The following ZNF512B variants were observed in gnomAD, a reference collection of about 807,000 sequenced individuals.
ZNF512B encodes zinc finger protein 512B.
ZNF512B carries 22 observed loss-of-function variants against 87.8 expected under a neutral mutation model. The ratio of observed to expected loss-of-function variants is 0.25; its 90% CI spans 0.18 to 0.36. The LOEUF is 0.36. ZNF512B is among the 10% of genes least tolerant of loss of function. The probability of loss-of-function intolerance (pLI) is 1.00; values close to 1 mark genes in which losing one functional copy is unlikely to be tolerated. For synonymous variants in ZNF512B, 524 were observed against 490.9 expected (o/e 1.07, Z -0.89); for missense variants, 1,060 against 1,231.6 (o/e 0.86, Z 2.09).
Position 63,962,487 on chromosome 20 carries a change from G to A in ZNF512B, c.2163+100C>T. On this transcript the variant is annotated intron_variant, in intron 13 of 16. Transcript: ENST00000369888. ...TCGCCGCAGATGGCGGGGGCAGCGG[G>A]TGGCCCAGGTCACAGCAGTGGCTGT... 3.9e-6 allele frequency: 6 copies of A among 1,550,662 alleles called. No individual in the cohort carries two copies. In the South Asian group the frequency reaches 5.7e-5, roughly 15 times the overall value.
intron 6 of ZNF512B, 34 bp downstream of exon 6, chr20:63,964,456 G>T: frequency 6.2e-7 from 1 of 1,613,370 alleles, no homozygotes; most frequent in Non-Finnish European, 8.5e-7. Flanking sequence ...GGCCGAGCCT[G>T]CCCCGGCCGC....
At position 63,962,170 on chromosome 20, in the gene ZNF512B, C is replaced by T. The variant is rs1452484923; in HGVS notation, c.2265+103G>A. ...ATGTGAGGCCTGGGGTGGGCTTGGG[C>T]ACCTCCTGAAAGCTCTCAGCCTCTG... On this transcript the variant is annotated intron_variant, in intron 14 of 16. Transcript: ENST00000369888. 5.1e-6 allele frequency: 7 copies of T among 1,363,956 alleles called. No individual in the cohort carries two copies. In the Admixed American group the frequency reaches 1.2e-4, roughly 24 times the overall value. The allele number at this position is 1,363,956 out of a possible 1,614,324, so 84.5% of individuals were successfully genotyped here.
In ZNF512B at chr20:63,961,896, C is replaced by T; in HGVS notation, c.2328+46G>A. On this transcript the variant is annotated intron_variant, in intron 15 of 16. Transcript: ENST00000369888. This position sits in a 1 kb window ranked among gnomAD's most constrained non-coding sequence, Gnocchi z 6.4. ...AAGCCCGCGTGGGGTGAGCTGGGAGCTCTGAGTGCAGCGCACCTGGCCGTG... is the reference window on the plus strand; with the variant it reads ...AAGCCCGCGTGGGGTGAGCTGGGAGTTCTGAGTGCAGCGCACCTGGCCGTG... The T allele has an allele frequency of 6.5e-7, 1 of 1,545,584 alleles. No individual in the cohort carries two copies. Among genetic ancestry groups the T allele is most frequent in the Non-Finnish European group, 8.8e-7 (1 of 1,142,366 alleles).
In ZNF512B at chr20:63,967,849, C is replaced by T. The variant is rs1164250175; in HGVS notation, c.102G>A (p.Leu34=). The T allele has an allele frequency of 1.9e-6, 3 of 1,613,070 alleles. No individual in the cohort carries two copies. Among genetic ancestry groups the T allele is most frequent in the African/African-American group, 2.7e-5 (2 of 74,938 alleles). The change falls in exon 2 of 17, where the codon CTG becomes CTA. Residue 34 remains leucine, a synonymous_variant. Coordinates refer to ENST00000369888, the MANE Select transcript of ZNF512B (RefSeq NM_020713.3). The part of the protein sequence containing the change: ...GSRKEVRLPM[L]HDPPKMGMPV... ...TCTTACCCATCTTCGGTGGGTCATG[C>T]AGCATTGGAAGTCGGACCTCCTTTC...
In ZNF512B at chr20:63,966,437, C is replaced by A. The variant is rs764950819; in HGVS notation, c.738G>T (p.Met246Ile). The change falls in exon 5 of 17, where the codon ATG becomes ATT. Residue 246 changes from methionine to isoleucine, a missense_variant. Physicochemically the swap from Met to Ile is conservative, Grantham distance 10. Around this residue, in one of 9 missense-constraint regions of ZNF512B, gnomAD observed 201 missense variants for 226.8 expected, o/e 0.89. Coordinates refer to ENST00000369888, the MANE Select transcript of ZNF512B (RefSeq NM_020713.3). ...VTKPVTVSRP[M>I]PVTKAMPVTK... The stretch of plus-strand genomic sequence containing the variant: ...TGACCGGCATGGCCTTGGTGACGGG[C>A]ATGGGCCTGCTGACTGTGACAGGTT... The A allele has an allele frequency of 3.1e-6, 5 of 1,613,526 alleles. No individual in the cohort carries two copies. The highest frequency in any genetic ancestry group is 4.2e-6 in the Non-Finnish European group (5 of 1,179,914).
rs2058832530 is a variant in ZNF512B, at chr20:63,960,037, G to A, written c.2530C>T (p.Arg844Trp). The A allele has an allele frequency of 1.2e-6, 2 of 1,613,844 alleles. No homozygotes were observed. The highest frequency in any genetic ancestry group is 1.3e-5 in the African/African-American group (1 of 75,070). Reference protein sequence around the residue: ...KKKNLAGGKKRGRKPKERTPE... With the variant: ...KKKNLAGGKKWGRKPKERTPE... ...GTCCGCTCCTTGGGCTTTCGGCCCC[G>A]CTTCTTTCCACCTGCCAGATTTTTC... The change falls in exon 17 of 17, where the codon CGG becomes TGG. Residue 844 changes from arginine to tryptophan, a missense_variant. By Grantham distance (101) the Arg-to-Trp change is moderately radical (BLOSUM62 -3). Around this residue, in one of 9 missense-constraint regions of ZNF512B, gnomAD observed 253 missense variants for 259.2 expected, o/e 0.98. Coordinates refer to ENST00000369888, the MANE Select transcript of ZNF512B (RefSeq NM_020713.3).
chr20:63,965,103 G>A (rs1296281413), intron 5 of ZNF512B, among the ~76,000 whole-genome samples: 1 of 11,198 alleles, frequency 8.9e-5, no homozygotes. Context: ...ACTGTTCCCC[G>A]ACCTGGGACG....
chr20:63,964,761 G>A (rs754829429), intron 5 of ZNF512B, 45 bp from the exon 6 acceptor site: 1 of 1,596,856 alleles, frequency 6.3e-7, no homozygotes, highest in Non-Finnish European at 8.5e-7. Context: ...CCTAACTGTG[G>A]GCCCCATTAC....
Position 63,958,795 on chromosome 20 carries a change from A to G in ZNF512B, c.*1093T>C, listed in dbSNP as rs1008996431. 2 of 152,388 alleles carry G rather than the reference A, an allele frequency of 1.3e-5. No individual in the cohort carries two copies. The highest frequency in any genetic ancestry group is 4.8e-5 in the African/African-American group (2 of 41,430). 9.4% of individuals were successfully genotyped at this position (152,388 alleles called of 1,614,324 possible). ...CTCCCCTGGCTGGCCTTCAGTTCCC[A>G]TATCAAATGACCACACAACCAGAAA... On this transcript the variant is annotated 3_prime_UTR_variant, in exon 17 of 17. Transcript: ENST00000369888.
At chr20:63,967,724 G>T (rs528864943) in intron 2 of ZNF512B, 106 bp downstream of exon 2, 48 of 1,527,726 alleles carry the variant, frequency 3.1e-5, no homozygotes, top group Non-Finnish European at 4.2e-5. Flanking sequence ...GGAACTCTAG[G>T]GGCCTAGCTG....
Position 63,967,967 on chromosome 20 carries a change from G to A in ZNF512B, c.-2-15C>T. 2 of 1,595,008 alleles carry A rather than the reference G, an allele frequency of 1.3e-6. No individual in the cohort carries two copies. The highest frequency in any genetic ancestry group is 2.2e-5 in the South Asian group (2 of 90,690). ...ATCCGTCATCTCTGCAGAGCAAGTA[G>A]ACAATCTGTGAAGCCTGACGGGCCC... On this transcript the variant is annotated splice_polypyrimidine_tract_variant and intron_variant, in intron 1 of 16. Transcript: ENST00000369888.
rs548106594 is a variant in ZNF512B, at chr20:63,967,707, G to T, written c.121+123C>A. ...CCAAGGCAACCCCTACCCTGGTAAG[G>T]TCCTTGGGAACTCTAGGGGCCTAGC... On this transcript the variant is annotated intron_variant, in intron 2 of 16. Coordinates refer to ENST00000369888, the MANE Select transcript of ZNF512B (RefSeq NM_020713.3). 3.3e-6 allele frequency: 5 copies of T among 1,506,130 alleles called. No individual in the cohort carries two copies. In the African/African-American group the frequency reaches 6.9e-5, roughly 21 times the overall value. The allele number at this position is 1,506,130 out of a possible 1,614,324, so 93.3% of individuals were successfully genotyped here. A position where few individuals can be genotyped will look rare whatever the true frequency, so the allele number is the denominator to read the frequency against.
At position 63,963,465 on chromosome 20, in the gene ZNF512B, AC is replaced by A. The variant is rs746558927; in HGVS notation, c.1699-26del. The A allele has an allele frequency of 9.7e-6, 15 of 1,545,482 alleles. No individual in the cohort carries two copies. In the South Asian group the frequency reaches 1.5e-4, roughly 16 times the overall value. ...GCTGGGGACAGGGTGAGCATCGGTG[AC>A]CCGGCACCATCGCCACGGAGCCCTG... On this transcript the variant is annotated intron_variant, in intron 10 of 16. Transcript: ENST00000369888.
At chr20:63,962,122 C>A (rs2058859359) in intron 14 of ZNF512B, 118 bp from the exon 15 acceptor site, 1 of 1,342,648 alleles carries the variant, frequency 7.4e-7, no homozygotes, top group South Asian at 1.3e-5. Context: ...GGGTGTGAGT[C>A]CTGGGGACTG....
Position 63,960,130 on chromosome 20 carries a change from G to A in ZNF512B, c.2437C>T (p.Arg813Ter), listed in dbSNP as rs763691830. 2 of 1,613,842 alleles carry A rather than the reference G, an allele frequency of 1.2e-6. No homozygotes were observed. The highest frequency in any genetic ancestry group is 8.5e-7 in the Non-Finnish European group (1 of 1,179,980). The change falls in exon 17 of 17, where the codon CGA becomes TGA. Residue 813 changes from arginine to a stop codon, truncating the protein, a stop_gained. Transcript: ENST00000369888. LOFTEE classifies it high-confidence loss of function. ...TTGGGAGGTGGGTCTGCTGATGTTC[G>A]GAACCAGTTCTGGGGAGAGAAAAGC... The part of the protein sequence containing the change: ...ILKTHAENWF[R>*]TSADPPPKHR...
In ZNF512B at chr20:63,961,342, G is replaced by A. The variant is rs749548567; in HGVS notation, c.2394C>T (p.Gly798=). 1.7e-5 allele frequency: 27 copies of A among 1,612,558 alleles called. No individual in the cohort carries two copies. Among genetic ancestry groups the A allele is most frequent in the African/African-American group, 6.7e-5 (5 of 74,920 alleles). ...LCPKEFSSES[G]VKYHILKTHA... is the part of the protein sequence containing the mutation. ...GGGTCTTCAGGATGTGGTATTTGAC[G>A]CCACTCTCAGAACTGAACTCCTTCG... is the stretch of plus-strand genomic sequence containing the variant. Residue 798 remains glycine, a synonymous_variant, in exon 16 of 17, where the codon GGC becomes GGT. Transcript: ENST00000369888. The surrounding 1 kb of genome is among the most constrained non-coding windows in gnomAD (Gnocchi z 6.4).
At chr20:63,963,562 A>C in intron 10 of ZNF512B, 56 bp downstream of exon 10, 1 of 1,603,524 alleles carries the variant, frequency 6.2e-7, no homozygotes, top group Middle Eastern at 1.9e-4. Context: ...ACTGCGGTGA[A>C]GGTGGGGTGC....
At chr20:63,962,238 C>A in intron 14 of ZNF512B, 35 bp downstream of exon 14, 1 of 1,568,656 alleles carries the variant, frequency 6.4e-7, no homozygotes, top group South Asian at 1.2e-5. Flanking sequence ...CCCTGTATGG[C>A]TCCCCACGCC....
chr20:63,962,239 T>C, intron 14 of ZNF512B, 34 bp downstream of exon 14: 1 of 1,570,966 alleles, frequency 6.4e-7, no homozygotes, highest in Non-Finnish European at 8.6e-7. Context: ...CCTGTATGGC[T>C]CCCCACGCCC....
Sources: allele counts gnomAD v4.1 joint callset (sites outside exome capture counted in the v4.1 genomes callset), GRCh38; gene constraint gnomAD v4.1.1; regional missense constraint gnomAD v4.1.1; non-coding constraint Gnocchi (gnomAD v3.1); transcripts MANE v1.5; gene names NCBI Gene and HGNC (gene_info 2026-07-23, HGNC 2026-07-21).